Variants in LRMDA observed in about 807,000 individuals in gnomAD.
LRMDA encodes the protein leucine rich melanocyte differentiation associated.
Under a neutral mutation model 29.8 loss-of-function variants are expected in LRMDA, and 18 were observed. That is an observed-to-expected ratio of 0.60 (90% CI 0.42 to 0.90). LRMDA has a LOEUF of 0.90. Ranked by LOEUF, LRMDA falls within the 40% of genes least tolerant of loss-of-function variation. LRMDA has a pLI of 0.00. For synonymous variants in LRMDA, 125 were observed against 109.4 expected (o/e 1.14, Z -0.89); for missense variants, 273 against 273.9 (o/e 1.00, Z 0.02).
intron 2 of LRMDA, among the ~76,000 whole-genome samples, chr10:75,615,748 C>G (rs998172155): frequency 1.3e-5 from 2 of 152,182 alleles, no homozygotes; most frequent in African/African-American, 4.8e-5. Flanking sequence ...GGTCCTTTGA[C>G]TTCAAGGCTG....
At chr10:75,698,971 C>T (rs146331513) in intron 2 of LRMDA, among the ~76,000 whole-genome samples, 369 of 152,170 alleles carry the variant, frequency 2.4e-3, no homozygotes, top group Non-Finnish European at 4.4e-3. Context: ...GAGGCTGAGG[C>T]GGGTGGATCA....
At chr10:76,495,455 C>T (rs2132339325) in intron 6 of LRMDA, among the ~76,000 whole-genome samples, 1 of 151,740 alleles carries the variant, frequency 6.6e-6, no homozygotes, top group East Asian at 1.9e-4. Flanking sequence ...AGATTTCTCC[C>T]ACTTTATTCT....
intron 6 of LRMDA, among the ~76,000 whole-genome samples, chr10:76,528,358 C>T (rs985430574): frequency 4.0e-5 from 6 of 151,652 alleles, no homozygotes; most frequent in East Asian, 1.9e-4. Context: ...AGATTTAATA[C>T]GATAGGCAAA....
At chr10:76,206,211 C>G (rs1409576624) in intron 5 of LRMDA, among the ~76,000 whole-genome samples, 3 of 152,188 alleles carry the variant, frequency 2.0e-5, no homozygotes, top group Non-Finnish European at 2.9e-5. Flanking sequence ...TCTATCCACC[C>G]TGACCCTCTC....
At chr10:75,464,835 CCTTTT>C (rs1844630069) in intron 2 of LRMDA, among the ~76,000 whole-genome samples, 1 of 152,112 alleles carries the variant, frequency 6.6e-6, no homozygotes, top group East Asian at 1.9e-4. Context: ...AGACACTCTC[CCTTTT>C]CTTTTTTATT....
At chr10:75,662,655 AT>A (rs1841769217) in intron 2 of LRMDA, among the ~76,000 whole-genome samples, 1 of 152,236 alleles carries the variant, frequency 6.6e-6, no homozygotes, top group African/African-American at 2.4e-5. Context: ...AATGAGGTGA[AT>A]TAAGAAAATA....
chr10:76,226,463 A>G (rs577185006), intron 5 of LRMDA, among the ~76,000 whole-genome samples: 19 of 152,200 alleles, frequency 1.2e-4, no homozygotes, highest in African/African-American at 3.9e-4. Context: ...CGTGCCTGCA[A>G]TCCCAGCTAC....
intron 2 of LRMDA, among the ~76,000 whole-genome samples, chr10:75,874,508 T>C (rs767668964): frequency 6.6e-6 from 1 of 152,228 alleles, no homozygotes; most frequent in Non-Finnish European, 1.5e-5. Flanking sequence ...CTATTCTTTA[T>C]AGCAGCTCTG....
chr10:76,138,552 C>G (rs1459180322), intron 5 of LRMDA, among the ~76,000 whole-genome samples: 2 of 152,112 alleles, frequency 1.3e-5, no homozygotes, highest in Non-Finnish European at 1.5e-5. Context: ...AAAGTCCTGC[C>G]TCATATTGGG....
chr10:75,862,562 C>T (rs1052793734), intron 2 of LRMDA, among the ~76,000 whole-genome samples: 3 of 152,046 alleles, frequency 2.0e-5, no homozygotes, highest in South Asian at 2.1e-4. Context: ...AGTCATTAGG[C>T]GATATGTTGG....
chr10:76,504,956 A>G (rs1471480805), intron 6 of LRMDA, among the ~76,000 whole-genome samples: 2 of 151,940 alleles, frequency 1.3e-5, no homozygotes, highest in Non-Finnish European at 2.9e-5. Context: ...GTTTCCATGT[A>G]TAGCACTCTG....
At chr10:75,695,620 C>A (rs1342174272) in intron 2 of LRMDA, among the ~76,000 whole-genome samples, 1 of 152,126 alleles carries the variant, frequency 6.6e-6, no homozygotes, top group African/African-American at 2.4e-5. Flanking sequence ...TAGCTATTCC[C>A]ATTCAGAGTC....
intron 5 of LRMDA, among the ~76,000 whole-genome samples, chr10:76,104,445 T>C (rs1849446717): frequency 6.6e-6 from 1 of 152,104 alleles, no homozygotes; most frequent in Non-Finnish European, 1.5e-5. Context: ...TGCAACTTTG[T>C]GGTTCTGGCT....
At chr10:75,554,484 G>A (rs746270055) in intron 2 of LRMDA, among the ~76,000 whole-genome samples, 1 of 152,122 alleles carries the variant, frequency 6.6e-6, no homozygotes, top group Non-Finnish European at 1.5e-5. Context: ...TCAATTAACC[G>A]ATCAGTTATT....
intron 3 of LRMDA, among the ~76,000 whole-genome samples, chr10:76,039,350 T>C (rs1848304815): frequency 6.6e-6 from 1 of 152,250 alleles, no homozygotes; most frequent in South Asian, 2.1e-4. Flanking sequence ...TTAGCTCTTT[T>C]GTGTAAATTG....
chr10:76,272,916 G>A (rs1357097675), intron 5 of LRMDA, among the ~76,000 whole-genome samples: 5 of 152,126 alleles, frequency 3.3e-5, no homozygotes, highest in Non-Finnish European at 4.4e-5. Flanking sequence ...GAACAGCATG[G>A]AGGAAACTGC....
intron 6 of LRMDA, among the ~76,000 whole-genome samples, chr10:76,389,927 A>G (rs534340985): frequency 1.4e-4 from 22 of 152,270 alleles, no homozygotes; most frequent in African/African-American, 4.6e-4. Flanking sequence ...ATAGCTCTGT[A>G]CATGGATGTA....
chr10:76,014,963 C>G (rs1235918761), intron 2 of LRMDA, among the ~76,000 whole-genome samples: 1 of 152,200 alleles, frequency 6.6e-6, no homozygotes, highest in Non-Finnish European at 1.5e-5. Flanking sequence ...GACCTCCTGA[C>G]GTTTAGCTTA....
intron 2 of LRMDA, among the ~76,000 whole-genome samples, chr10:76,009,467 A>G (rs1337728538): frequency 6.6e-6 from 1 of 152,202 alleles, no homozygotes; most frequent in Non-Finnish European, 1.5e-5. Context: ...CCCCTAAAAA[A>G]GAAGTGTTGG....
Sources: gnomAD v4.1 joint callset for allele counts (sites outside exome capture counted in the v4.1 genomes callset) on GRCh38, gnomAD v4.1.1 for gene constraint, MANE v1.5 for transcripts, NCBI Gene and HGNC (gene_info 2026-07-23, HGNC 2026-07-21) for gene names.